Variants in DDX46 observed in about 807,000 individuals in gnomAD.
DDX46 encodes DEAD-box helicase 46, also known as probable ATP-dependent RNA helicase DDX46.
DDX46 carries 30 observed loss-of-function variants against 134.9 expected under a neutral mutation model. The ratio of observed to expected loss-of-function variants is 0.22; its 90% confidence interval spans 0.17 to 0.30. The LOEUF (loss-of-function observed/expected upper bound fraction) is 0.30, where lower values mean the gene tolerates loss of function less well. DDX46 is among the 10% of genes least tolerant of loss of function. The pLI, the probability that DDX46 is intolerant of heterozygous loss-of-function variation, is 1.00. For missense variants in DDX46, 622 were observed against 1,248.7 expected, an observed-to-expected ratio of 0.50 and a Z score of 7.56; for synonymous variants, 415 against 404.1, an observed-to-expected ratio of 1.03 and a Z score of -0.32.
At chr5:134,781,028 G>GA (rs769658560) in intron 6 of DDX46, 105 bp from the exon 7 acceptor site, 64 of 808,576 alleles carry the variant, frequency 7.9e-5, no homozygotes, top group Non-Finnish European at 9.7e-5. Flanking sequence ...ACTAAAAAAA[G>GA]AAAAAAAACT....
At chr5:134,821,698 A>T (rs1580821723) in intron 21 of DDX46, among the ~76,000 whole-genome samples, 1 of 151,472 alleles carries the variant, frequency 6.6e-6, no homozygotes, top group East Asian at 2.0e-4. Flanking sequence ...CTGGGACTAC[A>T]GGCAAGCACC....
At position 134,804,477 on chromosome 5, in the gene DDX46, G is replaced by T. The variant is rs548745370; in HGVS notation, c.1955-3271G>T. The stretch of plus-strand genomic sequence containing the variant: ...TTTTGGGACAGGGTTTTACTCTGTC[G>T]CCCAAGGTGGAGTGCAGAGGCACAA... On this transcript the variant is annotated intron_variant, in intron 15 of 22. Coordinates refer to ENST00000452510, the MANE Select transcript of DDX46 (RefSeq NM_001300860.2). Among the ~76,000 whole-genome samples, 12 of 151,902 alleles carry T rather than the reference G, an allele frequency of 7.9e-5. No homozygotes were observed. In the East Asian group the frequency reaches 1.2e-3, roughly 15 times the overall value.
At chr5:134,792,893 G>T (rs943388971) in intron 13 of DDX46, among the ~76,000 whole-genome samples, 2 of 152,198 alleles carry the variant, frequency 1.3e-5, no homozygotes, top group Non-Finnish European at 2.9e-5. Context: ...GGTGATGTAT[G>T]CTTAGGATCT....
intron 4 of DDX46, among the ~76,000 whole-genome samples, chr5:134,771,578 T>G (rs1580777171): frequency 6.7e-6 from 1 of 148,734 alleles, no homozygotes; most frequent in African/African-American, 2.5e-5. Context: ...GGCAGGCGCC[T>G]GTAGTCCCAG....
intron 3 of DDX46, among the ~76,000 whole-genome samples, chr5:134,769,984 T>A (rs1425425621): frequency 6.6e-6 from 1 of 152,178 alleles, no homozygotes; most frequent in African/African-American, 2.4e-5. Flanking sequence ...TAATGGAATA[T>A]GAAAACACAG....
chr5:134,817,653 G>T lies in DDX46; in HGVS notation c.2771G>T (p.Gly924Val). ...LEKQEEERQD[G>V]GQNESFKRYE... is the part of the protein sequence containing the mutation. ...AAACAAGAAGAAGAGAGACAGGATG[G>T]TGGACAGAATGAATCTTTTAAGAGA... is the stretch of plus-strand genomic sequence containing the variant. The change falls in exon 20 of 23, where the codon GGT becomes GTT. Residue 924 changes from glycine to valine, a missense_variant. Gly to Val is a moderately radical substitution (Grantham distance 109). Transcript: ENST00000452510. 2 of 1,614,166 alleles carry T rather than the reference G, an allele frequency of 1.2e-6. No homozygotes were observed. Among genetic ancestry groups the T allele is most frequent in the Non-Finnish European group, 1.7e-6 (2 of 1,180,034 alleles).
At chr5:134,798,134 G>A (rs1465063042) in intron 15 of DDX46, among the ~76,000 whole-genome samples, 1 of 150,212 alleles carries the variant, frequency 6.7e-6, no homozygotes, top group South Asian at 2.1e-4. Flanking sequence ...TTTTGTGTGT[G>A]GTAAATACTC....
chr5:134,803,677 G>C (rs904875875), intron 15 of DDX46, among the ~76,000 whole-genome samples: 1 of 152,134 alleles, frequency 6.6e-6, no homozygotes, highest in Admixed American at 6.6e-5. Context: ...TCGCTCTCTG[G>C]TGTCTTTACG....
chr5:134,771,627 G>A (rs989041551), intron 4 of DDX46, among the ~76,000 whole-genome samples: 4 of 151,474 alleles, frequency 2.6e-5, no homozygotes, highest in Middle Eastern at 3.2e-3. Flanking sequence ...GTGTGAACCC[G>A]GGAGGCAGAG....
intron 11 of DDX46, 138 bp from the exon 12 acceptor site, chr5:134,788,375 T>C (rs1019831237): frequency 1.5e-5 from 9 of 592,278 alleles, no homozygotes; most frequent in Admixed American, 3.1e-5. Context: ...ATTTCTTTAG[T>C]AGTGCCCCGA....
rs185365053 is a variant in DDX46 at position 134,807,635 on chromosome 5, A to G, written c.1955-113A>G. Reference sequence around the variant, plus strand: ...ACATTTTCTTAGTCTTTTATTTTCTATATTTTAGGAGTTGGATGTGTCAAT... The same window carrying G: ...ACATTTTCTTAGTCTTTTATTTTCTGTATTTTAGGAGTTGGATGTGTCAAT... On this transcript the variant is annotated intron_variant, in intron 15 of 22. Transcript: ENST00000452510. 9.8e-5 allele frequency: 85 copies of G among 866,350 alleles called. No homozygotes were observed. In the African/African-American group the frequency reaches 1.2e-3, roughly 12 times the overall value. 53.7% of individuals were successfully genotyped at this position (866,350 alleles called of 1,614,324 possible).
chr5:134,802,874 C>G (rs977049123), intron 15 of DDX46, among the ~76,000 whole-genome samples: 2 of 152,022 alleles, frequency 1.3e-5, no homozygotes, highest in Non-Finnish European at 2.9e-5. Context: ...TCTGATGTCC[C>G]CGTCAAGTGG....
At chr5:134,813,154 A>G (rs1755195093) in intron 18 of DDX46, among the ~76,000 whole-genome samples, 1 of 152,124 alleles carries the variant, frequency 6.6e-6, no homozygotes, top group Non-Finnish European at 1.5e-5. Flanking sequence ...CATGTTGGCC[A>G]GGATGATCTT....
chr5:134,816,512 C>T lies in DDX46; in HGVS notation c.2519C>T (p.Ala840Val). ...GCTCCTGGAACATCAAGTGTTCCTG[C>T]TCCAACTGCAGGAAATGCTGAGAAA... is the stretch of plus-strand genomic sequence containing the variant. ...MAAPGTSSVP[A>V]PTAGNAEKLE... The change falls in exon 19 of 23, where the codon GCT becomes GTT. Residue 840 changes from alanine (A) to valine (V), a missense_variant. Physicochemically the swap from Ala to Val is moderately conservative, Grantham distance 64 (BLOSUM62 0). Transcript: ENST00000452510. 1 of 1,613,984 alleles carries T rather than the reference C, an allele frequency of 6.2e-7. No individual in the cohort carries two copies. Among genetic ancestry groups the T allele is most frequent in the South Asian group, 1.1e-5 (1 of 91,068 alleles).
rs768561792 is a variant in DDX46 at position 134,794,857 on chromosome 5, G to A, written c.1634G>A (p.Arg545His). 5 of 1,613,896 alleles carry A rather than the reference G, an allele frequency of 3.1e-6. No homozygotes were observed. The highest frequency in any genetic ancestry group is 1.7e-5 in the Admixed American group (1 of 59,958). ...ATGTTTTCTTTTTCTCAGGTCATGCGCATCGTGGATAATGTTCGTCCTGAT... is the reference window on the plus strand; with the variant it reads ...ATGTTTTCTTTTTCTCAGGTCATGCACATCGTGGATAATGTTCGTCCTGAT... ...FDMGFEPQVM[R>H]IVDNVRPDRQ... The change falls in exon 14 of 23, where the codon CGC becomes CAC. Residue 545 changes from arginine to histidine, a missense_variant. By Grantham distance (29) the Arg-to-His change is conservative. Coordinates refer to ENST00000452510, the MANE Select transcript of DDX46 (RefSeq NM_001300860.2).
At chr5:134,777,801 A>T (rs1753993513) in intron 6 of DDX46, 76 bp downstream of exon 6, 1 of 1,480,316 alleles carries the variant, frequency 6.8e-7, no homozygotes, top group Non-Finnish European at 9.0e-7. Context: ...TGTCCTACTG[A>T]TTGGCATGAC....
intron 6 of DDX46, chr5:134,780,723 T>C (rs1240072221): frequency 6.6e-6 from 1 of 152,068 alleles, no homozygotes; most frequent in Admixed American, 6.6e-5. Context: ...GGCTATTGTT[T>C]GTCTTTTCAT....
intron 15 of DDX46, among the ~76,000 whole-genome samples, chr5:134,799,752 A>C (rs552889621): frequency 9.1e-4 from 138 of 151,956 alleles, no homozygotes; most frequent in African/African-American, 3.2e-3. Flanking sequence ...AAAAAAAAAA[A>C]AAAAACCCTA....
chr5:134,822,357 G>GTATA (rs1755479740), intron 21 of DDX46, among the ~76,000 whole-genome samples: 1 of 152,056 alleles, frequency 6.6e-6, no homozygotes, highest in Non-Finnish European at 1.5e-5. Flanking sequence ...CTAAGAGACA[G>GTATA]GGTCTTGATC....
Sources: allele counts gnomAD v4.1 joint callset (sites outside exome capture counted in the v4.1 genomes callset), GRCh38; gene constraint gnomAD v4.1.1; transcripts MANE v1.5; gene names NCBI Gene and HGNC (gene_info 2026-07-23, HGNC 2026-07-21).